The following PCDHGA9 variants were observed in gnomAD, a reference collection of about 807,000 sequenced individuals.
PCDHGA9 encodes protocadherin gamma-A9.
PCDHGA9 carries 37 observed loss-of-function variants against 62.5 expected under a neutral mutation model. That is an observed-to-expected ratio of 0.59 (90% CI 0.46 to 0.78). The LOEUF (loss-of-function observed/expected upper bound fraction) is 0.78. PCDHGA9 is among the 30% of genes least tolerant of loss of function. The pLI is 0.00. For missense variants in PCDHGA9, 1,138 were observed against 1,166.2 expected (o/e 0.98, Z 0.35); for synonymous variants, 459 against 484.6 (o/e 0.95, Z 0.69).
At chr5:141,438,960 C>A (rs1398478011) in intron 1 of PCDHGA9, among the ~76,000 whole-genome samples, 1 of 151,940 alleles carries the variant, frequency 6.6e-6, no homozygotes, top group Non-Finnish European at 1.5e-5. Flanking sequence ...GCCACCGCAC[C>A]CTGCCAACTG....
chr5:141,419,794 T>C (rs368369787), intron 1 of PCDHGA9: 54 of 1,613,930 alleles, frequency 3.3e-5, no homozygotes, highest in Non-Finnish European at 4.5e-5. Flanking sequence ...TGCTAGTCGC[T>C]GTAAGAGATG....
Position 141,431,364 on chromosome 5 carries a change from G to T in PCDHGA9, c.2424+25988G>T, listed in dbSNP as rs773688069. 3 of 1,613,892 alleles carry T rather than the reference G, an allele frequency of 1.9e-6. No individual in the cohort carries two copies. The East Asian group carries it at 6.7e-5, about 36-fold the overall frequency. ...TTGGTGCTGAAACGCGCCCTGGACC[G>T]CGAAGAAAAGGCTGCTCACCACCTG... On this transcript the variant is annotated intron_variant, in intron 1 of 3. Coordinates refer to ENST00000573521, the MANE Select transcript of PCDHGA9 (RefSeq NM_018921.3). The surrounding 1 kb of genome is among the most constrained non-coding windows in gnomAD (Gnocchi z 4.8).
rs1436614562 is a variant in PCDHGA9, at chr5:141,403,237, CTG to C, written c.288_289del (p.Ala97SerfsTer10). On this transcript the variant is annotated frameshift_variant, in exon 1 of 4. Coordinates refer to ENST00000573521, the MANE Select transcript of PCDHGA9 (RefSeq NM_018921.3). LOFTEE classifies it high-confidence loss of function. ...CGGGTAGGATAGACCGGGAGGAGCT[CTG>C]TGCTCAGAGCCCGCGGTGTCTGGTG... ...TAGRIDREEL[C>X]AQSPRCLVNF... 2 of 1,613,942 alleles carry C rather than the reference CTG, an allele frequency of 1.2e-6. No individual in the cohort carries two copies. The highest frequency in any genetic ancestry group is 1.7e-5 in the Admixed American group (1 of 60,038).
rs775638627 is a variant in PCDHGA9, at chr5:141,403,960, G to C, written c.1008G>C (p.Ser336=). 1.2e-6 allele frequency: 2 copies of C among 1,613,658 alleles called. No homozygotes were observed. Among genetic ancestry groups the C allele is most frequent in the African/African-American group, 1.3e-5 (1 of 74,868 alleles). ...GLKGWTKVLI[S]VEDVNDNRPE... Reference sequence around the variant, plus strand: ...AAGGGTGGACAAAAGTGCTCATTTCGGTGGAAGATGTAAATGACAATAGAC... The same window carrying C: ...AAGGGTGGACAAAAGTGCTCATTTCCGTGGAAGATGTAAATGACAATAGAC... The change falls in exon 1 of 4, where the codon TCG becomes TCC. Residue 336 remains serine (S), a synonymous_variant. Coordinates refer to ENST00000573521, the MANE Select transcript of PCDHGA9 (RefSeq NM_018921.3).
At chr5:141,427,056 T>C (rs1472513807) in intron 1 of PCDHGA9, 1 of 457,676 alleles carries the variant, frequency 2.2e-6, no homozygotes, top group Non-Finnish European at 4.4e-6. Flanking sequence ...CCCAGGCACC[T>C]CTGTACTAAA....
At position 141,485,731 on chromosome 5, in the gene PCDHGA9, C is replaced by G; in HGVS notation, c.2425-9076C>G. 6.2e-7 allele frequency: 1 copy of G among 1,614,152 alleles called. No homozygotes were observed. Among genetic ancestry groups the G allele is most frequent in the Non-Finnish European group, 8.5e-7 (1 of 1,180,022 alleles). ...TTGCACTGGATGTGAAGAAGCGCAG[C>G]GACGGCAGCCTGGTCCCAGAGCTGC... On this transcript the variant is annotated intron_variant, in intron 1 of 3. Transcript: ENST00000573521. The surrounding 1 kb of genome is among the most constrained non-coding windows in gnomAD (Gnocchi z 5.7).
In PCDHGA9 at chr5:141,490,996, G is replaced by A; in HGVS notation, c.2425-3811G>A. ...GCGTCTCCCTCGCTCTGCTCCTCCT[G>A]GCTCCTTGGTCACCAAGGTGACAGC... is the stretch of plus-strand genomic sequence containing the variant. On this transcript the variant is annotated intron_variant, in intron 1 of 3. Transcript: ENST00000573521. This position sits in a 1 kb window ranked among gnomAD's most constrained non-coding sequence, Gnocchi z 5.4. The A allele has an allele frequency of 6.2e-7, 1 of 1,614,090 alleles. No individual in the cohort carries two copies. The highest frequency in any genetic ancestry group is 8.5e-7 in the Non-Finnish European group (1 of 1,180,028).
chr5:141,420,795 A>G (rs1046945975), intron 1 of PCDHGA9, among the ~76,000 whole-genome samples: 1 of 152,260 alleles, frequency 6.6e-6, no homozygotes, highest in Non-Finnish European at 1.5e-5. Flanking sequence ...AAAACTTTTT[A>G]AAAATTAAGC....
Position 141,432,151 on chromosome 5 carries a change from C to T in PCDHGA9, c.2424+26775C>T. 2 of 1,614,122 alleles carry T rather than the reference C, an allele frequency of 1.2e-6. No homozygotes were observed. The highest frequency in any genetic ancestry group is 2.2e-5 in the South Asian group (2 of 91,066). ...CCTATTCCGCTTATATCCCAGAGAA[C>T]AATCCCAGAGGAGTTTCCCTCGTCT... On this transcript the variant is annotated intron_variant, in intron 1 of 3. Transcript: ENST00000573521. The surrounding 1 kb of genome is among the most constrained non-coding windows in gnomAD (Gnocchi z 6.0).
rs762200805 is a variant in PCDHGA9 at position 141,423,045 on chromosome 5, C to T, written c.2424+17669C>T. 8 of 1,614,210 alleles carry T rather than the reference C, an allele frequency of 5.0e-6. No homozygotes were observed. The East Asian group carries it at 1.8e-4, about 36-fold the overall frequency. ...ATTCAGGCCAGAACGCCTGGCTGTCCTATCGCCTGCTTAAGGCCAGCGAGC... is the reference window on the plus strand; with the variant it reads ...ATTCAGGCCAGAACGCCTGGCTGTCTTATCGCCTGCTTAAGGCCAGCGAGC... On this transcript the variant is annotated intron_variant, in intron 1 of 3. Transcript: ENST00000573521.
intron 3 of PCDHGA9, among the ~76,000 whole-genome samples, chr5:141,509,211 C>T (rs962706371): frequency 2.0e-5 from 3 of 152,180 alleles, no homozygotes; most frequent in African/African-American, 4.8e-5. Context: ...CTCTCTATTT[C>T]TCAATCCCTG....
intron 1 of PCDHGA9, among the ~76,000 whole-genome samples, chr5:141,473,785 A>G (rs1240342191): frequency 6.6e-6 from 1 of 152,226 alleles, no homozygotes; most frequent in Non-Finnish European, 1.5e-5. Context: ...TTAATTCAAG[A>G]GCAGTATGAT....
chr5:141,413,211 G>A, intron 1 of PCDHGA9: 1 of 1,613,214 alleles, frequency 6.2e-7, no homozygotes, highest in South Asian at 1.1e-5. Context: ...AGGAATCAAA[G>A]GATTGCAGCG....
chr5:141,432,659 G>A lies in PCDHGA9; in HGVS notation c.2424+27283G>A. On this transcript the variant is annotated intron_variant, in intron 1 of 3. Coordinates refer to ENST00000573521, the MANE Select transcript of PCDHGA9 (RefSeq NM_018921.3). This position sits in a 1 kb window ranked among gnomAD's most constrained non-coding sequence, Gnocchi z 6.0. ...GGTGCGCACGGCGCGAGCCCTGCTG[G>A]ACAGAGACGCGCTCAAGCAGAGCCT... 1 of 1,613,884 alleles carries A rather than the reference G, an allele frequency of 6.2e-7. No homozygotes were observed. The highest frequency in any genetic ancestry group is 8.5e-7 in the Non-Finnish European group (1 of 1,179,956).
At position 141,438,591 on chromosome 5, in the gene PCDHGA9, CATATATATATATAT is replaced by C. The variant is rs946798767; in HGVS notation, c.2424+33247_2424+33260del. Among the ~76,000 whole-genome samples the C allele has an allele frequency of 7.9e-5, 6 of 75,562 alleles. No individual in the cohort carries two copies. The East Asian group carries it at 1.7e-3, about 22-fold the overall frequency. 49.6% of individuals were successfully genotyped at this position (75,562 alleles called of 152,430 possible). On this transcript the variant is annotated intron_variant, in intron 1 of 3. Transcript: ENST00000573521. ...TCTGATATACATACATACATACATA[CATATATATATATAT>C]ATATATATATATATATATATATATA...
At chr5:141,496,262 C>G (rs934511905) in intron 2 of PCDHGA9, among the ~76,000 whole-genome samples, 3 of 152,158 alleles carry the variant, frequency 2.0e-5, no homozygotes, top group African/African-American at 7.2e-5. Flanking sequence ...GAAACTTCAG[C>G]AGAAAGACCT....
At chr5:141,410,105 A>G in intron 1 of PCDHGA9, 1 of 1,612,376 alleles carries the variant, frequency 6.2e-7, no homozygotes, top group South Asian at 1.1e-5. Context: ...CTTAGGCGAC[A>G]GGGACGCAGC....
chr5:141,498,960 G>GGAGA (rs1381042115), intron 2 of PCDHGA9, among the ~76,000 whole-genome samples: 9 of 118,744 alleles, frequency 7.6e-5, no homozygotes, highest in African/African-American at 2.8e-4. Context: ...AGAGAGAGAG[G>GGAGA]GAGGGAGGGA....
intron 3 of PCDHGA9, among the ~76,000 whole-genome samples, chr5:141,510,208 G>A (rs560746333): frequency 2.0e-5 from 3 of 151,866 alleles, no homozygotes; most frequent in Admixed American, 1.3e-4. Context: ...AGGAGGCAGA[G>A]GTTGCAGTGA....
Sources: gnomAD v4.1 joint callset for allele counts (sites outside exome capture counted in the v4.1 genomes callset) on GRCh38, gnomAD v4.1.1 for gene constraint, Gnocchi (gnomAD v3.1) non-coding constraint, MANE v1.5 for transcripts, NCBI Gene and HGNC (gene_info 2026-07-23, HGNC 2026-07-21) for gene names.